The following CNGB1 variants were observed in gnomAD, a reference collection of about 807,000 sequenced individuals.
The protein encoded by CNGB1 is cyclic nucleotide gated channel subunit beta 1, also known as cyclic nucleotide-gated channel beta-1.
Under a neutral mutation model 151.7 loss-of-function variants are expected in CNGB1, and 126 were observed. The observed-to-expected ratio is 0.83, with a 90% CI of 0.72 to 0.96. CNGB1 has a LOEUF of 0.96. CNGB1 is among the 40% of genes least tolerant of loss of function. The pLI, the probability that CNGB1 is intolerant of heterozygous loss-of-function variation, is 0.00. For synonymous variants in CNGB1, 623 were observed against 635.1 expected, an observed-to-expected ratio of 0.98 and a Z score of 0.29; for missense variants, 1,698 against 1,627.0, an observed-to-expected ratio of 1.04 and a Z score of -0.75.
chr16:57,959,757 G>A, intron 10 of CNGB1, 131 bp downstream of exon 10: 4 of 1,154,276 alleles, frequency 3.5e-6, no homozygotes, highest in Non-Finnish European at 3.4e-6. Context: ...AGCTGATGTG[G>A]CTGCCTTGGG....
chr16:57,949,674 TCAGCCTC>T, intron 13 of CNGB1, among the ~76,000 whole-genome samples: 5 of 152,162 alleles, frequency 3.3e-5, no homozygotes, highest in African/African-American at 1.2e-4. Flanking sequence ...TGACCCTAGG[TCAGCCTC>T]TGATCCTCTC....
At chr16:57,939,816 C>T (rs1424986402) in intron 15 of CNGB1, among the ~76,000 whole-genome samples, 2 of 152,208 alleles carry the variant, frequency 1.3e-5, no homozygotes, top group Non-Finnish European at 2.9e-5. Flanking sequence ...AACAGCTGGA[C>T]GTGTCACCTG....
rs769645255 is a variant in CNGB1, at chr16:57,912,575, TGTGTGTGTG to T, written c.2369+346_2369+354del. Reference sequence around the variant, plus strand: ...TTCTAGGTGCAAACTTCCTGTGTTGTGTGTGTGTGTGTGTGTGTTGTGTGTGTCATTTGT... The same window carrying T: ...TTCTAGGTGCAAACTTCCTGTGTTGTTGTGTGTGTTGTGTGTGTCATTTGT... On this transcript the variant is annotated intron_variant, in intron 24 of 32. Transcript: ENST00000251102. Among the ~76,000 whole-genome samples, 740 of 148,772 alleles carry T rather than the reference TGTGTGTGTG, an allele frequency of 5.0e-3. 7 individuals carry two copies. Among genetic ancestry groups the T allele is most frequent in the African/African-American group, 0.016 (666 of 41,052 alleles).
At position 57,919,096 on chromosome 16, in the gene CNGB1, C is replaced by A. The variant is rs1273788885; in HGVS notation, c.1957+3G>T. 1 of 1,614,220 alleles carries A rather than the reference C, an allele frequency of 6.2e-7. No homozygotes were observed. Among genetic ancestry groups the A allele is most frequent in the Admixed American group, 1.7e-5 (1 of 60,028 alleles). ...GTGGGAACACCCATTCCCCAGGACTCACTGGTCAGCGGGTCAATGCTCTGG... is the reference window on the plus strand; with the variant it reads ...GTGGGAACACCCATTCCCCAGGACTAACTGGTCAGCGGGTCAATGCTCTGG... On this transcript the variant is annotated splice_donor_region_variant and intron_variant, in intron 20 of 32. Transcript: ENST00000251102.
intron 31 of CNGB1, among the ~76,000 whole-genome samples, chr16:57,892,520 G>A (rs1960120114): frequency 6.6e-6 from 1 of 152,120 alleles, no homozygotes; most frequent in African/African-American, 2.4e-5. Context: ...TGTCTTGTGT[G>A]CATGATGCTT....
intron 13 of CNGB1, 32 bp from the exon 14 acceptor site, chr16:57,949,471 C>T: frequency 6.2e-7 from 1 of 1,612,940 alleles, no homozygotes; most frequent in East Asian, 2.2e-5. Flanking sequence ...GAGGTGAGCC[C>T]ACCCGAAGCT....
intron 25 of CNGB1, among the ~76,000 whole-genome samples, chr16:57,905,361 G>T (rs1567370632): frequency 6.6e-6 from 1 of 152,142 alleles, no homozygotes; most frequent in African/African-American, 2.4e-5. Context: ...CCATTTTCCA[G>T]AGAGTGAAAC....
intron 2 of CNGB1, among the ~76,000 whole-genome samples, chr16:57,965,497 G>A (rs4784873): frequency 0.6 from 90,656 of 152,070 alleles, 27,601 homozygotes; most frequent in Non-Finnish European, 0.67. Flanking sequence ...ACACACATAT[G>A]CTCAGTCACA....
At position 57,887,350 on chromosome 16, in the gene CNGB1, T is replaced by C. The variant is rs963694354; in HGVS notation, c.3462+505A>G. ...CCTACTCTCAGTCCAGGGGCGGGTA[T>C]GTGACCCAGGCCTCTTTAGAGCACC... is the stretch of plus-strand genomic sequence containing the variant. On this transcript the variant is annotated intron_variant, in intron 32 of 32. Coordinates refer to ENST00000251102, the MANE Select transcript of CNGB1 (RefSeq NM_001297.5). 9.2e-5 allele frequency among the ~76,000 whole-genome samples: 14 copies of C among 152,122 alleles called. 1 individual carries two copies. The highest frequency in any genetic ancestry group is 3.1e-4 in the African/African-American group (13 of 41,446).
intron 14 of CNGB1, among the ~76,000 whole-genome samples, chr16:57,945,024 A>C (rs986452456): frequency 3.3e-5 from 5 of 151,958 alleles, no homozygotes; most frequent in East Asian, 1.9e-4. Flanking sequence ...GGAAAAAAAA[A>C]CTCAAATCTC....
At chr16:57,911,140 G>A (rs1960698242) in intron 25 of CNGB1, among the ~76,000 whole-genome samples, 1 of 152,116 alleles carries the variant, frequency 6.6e-6, no homozygotes, top group Admixed American at 6.5e-5. Flanking sequence ...AGCAGGAGTA[G>A]ATGCACAAAT....
At chr16:57,888,972 G>A (rs1439321337) in intron 31 of CNGB1, among the ~76,000 whole-genome samples, 1 of 152,156 alleles carries the variant, frequency 6.6e-6, no homozygotes, top group South Asian at 2.1e-4. Context: ...GCACCCTTCA[G>A]TGGCTCCTAT....
chr16:57,922,995 C>T (rs1961085709), intron 18 of CNGB1: 1 of 356,330 alleles, frequency 2.8e-6, no homozygotes, highest in Admixed American at 3.9e-5. Flanking sequence ...CTCAGCCTCT[C>T]CTTCACAAGG....
intron 23 of CNGB1, 67 bp from the exon 24 acceptor site, chr16:57,913,061 G>A (rs1960775770): frequency 1.1e-5 from 16 of 1,500,334 alleles, no homozygotes; most frequent in South Asian, 3.4e-5. Context: ...CCACGCCCAC[G>A]GGCGCCGAGA....
At chr16:57,943,666 GA>G (rs1364358166) in intron 14 of CNGB1, among the ~76,000 whole-genome samples, 2 of 151,690 alleles carry the variant, frequency 1.3e-5, no homozygotes, top group African/African-American at 2.4e-5. Flanking sequence ...GCCCCCACCC[GA>G]AAAAAGACAA....
Position 57,967,184 on chromosome 16 carries a change from C to A in CNGB1, c.103G>T (p.Ala35Ser). The stretch of plus-strand genomic sequence containing the variant: ...GGATTCGGTTCTGGTTCCACCTCCG[C>A]CTCCATCTCTGGCTCTGGTTCCACT... Reference protein sequence around the residue: ...EEVEPEPEMEAEVEPEPNPEE... With the variant: ...EEVEPEPEMESEVEPEPNPEE... Residue 35 changes from alanine to serine, a missense_variant, in exon 2 of 33, where the codon GCG becomes TCG. Ala to Ser is a moderately conservative substitution (Grantham distance 99). Coordinates refer to ENST00000251102, the MANE Select transcript of CNGB1 (RefSeq NM_001297.5). 1 of 1,614,200 alleles carries A rather than the reference C, an allele frequency of 6.2e-7. No individual in the cohort carries two copies. Among genetic ancestry groups the A allele is most frequent in the Non-Finnish European group, 8.5e-7 (1 of 1,180,038 alleles).
At position 57,960,688 on chromosome 16, in the gene CNGB1, T is replaced by A; in HGVS notation, c.534+152A>T. 3 of 1,223,270 alleles carry A rather than the reference T, an allele frequency of 2.5e-6. No individual in the cohort carries two copies. The South Asian group carries it at 3.9e-5, about 16-fold the overall frequency. 75.8% of individuals were successfully genotyped at this position (1,223,270 alleles called of 1,614,324 possible). ...AATCCCGGCCCCCTCTCACAGTCAC[T>A]CCTCCCCATAGAGGACTCTCCAAAG... On this transcript the variant is annotated intron_variant, in intron 8 of 32. Transcript: ENST00000251102.
In CNGB1 at chr16:57,904,858, T is replaced by C. The variant is rs1190013711; in HGVS notation, c.2510A>G (p.Tyr837Cys). The C allele has an allele frequency of 1.9e-6, 3 of 1,613,902 alleles. No homozygotes were observed. Among genetic ancestry groups the C allele is most frequent in the African/African-American group, 1.3e-5 (1 of 74,876 alleles). ...GGTGATGAGGGTCTTCACAGCAAAG[T>C]AGTAACAGCGAATATAACTGGAGAG... is the stretch of plus-strand genomic sequence containing the variant. Reference protein sequence around the residue: ...GVGNSYIRCYYFAVKTLITIG... With the variant: ...GVGNSYIRCYCFAVKTLITIG... The change falls in exon 26 of 33, where the codon TAC becomes TGC. Residue 837 changes from tyrosine to cysteine, a missense_variant. Physicochemically the swap from Tyr to Cys is radical, Grantham distance 194 (BLOSUM62 -2). Coordinates refer to ENST00000251102, the MANE Select transcript of CNGB1 (RefSeq NM_001297.5).
intron 12 of CNGB1, 82 bp downstream of exon 12, chr16:57,957,259 C>T (rs1962112625): frequency 7.3e-7 from 1 of 1,368,584 alleles, no homozygotes. Flanking sequence ...GGACAGCCCC[C>T]CTGCCCACAT....
Sources: allele counts gnomAD v4.1 joint callset (sites outside exome capture counted in the v4.1 genomes callset), GRCh38; gene constraint gnomAD v4.1.1; transcripts MANE v1.5; gene names NCBI Gene and HGNC (gene_info 2026-07-23, HGNC 2026-07-21).